Variants in DDX60 observed in about 807,000 individuals in gnomAD.
DDX60 encodes the protein probable ATP-dependent RNA helicase DDX60.
Under a neutral mutation model 212.8 loss-of-function variants are expected in DDX60, and 165 were observed. That is an observed-to-expected ratio of 0.78 (90% confidence interval 0.68 to 0.88). The LOEUF (loss-of-function observed/expected upper bound fraction) is 0.88. Ranked by LOEUF, DDX60 falls within the 40% of genes least tolerant of loss-of-function variation. The probability of loss-of-function intolerance (pLI) is 0.00; values close to 1 mark genes in which losing one functional copy is unlikely to be tolerated. For missense variants in DDX60, 1,905 were observed against 2,003.9 expected, an observed-to-expected ratio of 0.95 and a Z score of 0.94; for synonymous variants, 703 against 685.3, an observed-to-expected ratio of 1.03 and a Z score of -0.40.
intron 5 of DDX60, among the ~76,000 whole-genome samples, chr4:168,304,260 G>C (rs1185788522): frequency 1.3e-5 from 2 of 152,178 alleles, no homozygotes; most frequent in Admixed American, 6.5e-5. Context: ...AGTGGGACAA[G>C]ATCTGGAGGT....
intron 7 of DDX60, 111 bp from the exon 8 acceptor site, chr4:168,292,017 A>C (rs1736127026): frequency 1.7e-6 from 1 of 596,540 alleles, no homozygotes; most frequent in African/African-American, 2.0e-5. Flanking sequence ...AGGAATCATG[A>C]ATTATTCCTT....
At chr4:168,280,894 C>A (rs1160890501) in intron 13 of DDX60, among the ~76,000 whole-genome samples, 1 of 152,154 alleles carries the variant, frequency 6.6e-6, no homozygotes, top group African/African-American at 2.4e-5. Context: ...AATCCCAGCA[C>A]TTTGGGAGGC....
intron 25 of DDX60, among the ~76,000 whole-genome samples, chr4:168,257,402 A>G (rs895276953): frequency 1.3e-5 from 2 of 152,224 alleles, no homozygotes; most frequent in Non-Finnish European, 2.9e-5. Flanking sequence ...AATCCTATGA[A>G]GAAGGCACTA....
At chr4:168,294,925 CACAA>C (rs749023518) in intron 6 of DDX60, among the ~76,000 whole-genome samples, 6 of 152,076 alleles carry the variant, frequency 3.9e-5, no homozygotes, top group Non-Finnish European at 8.8e-5. Context: ...ACTAAAAACA[CACAA>C]ACAAACAAAA....
intron 26 of DDX60, among the ~76,000 whole-genome samples, chr4:168,254,907 A>G (rs190331612): frequency 1.3e-5 from 2 of 152,316 alleles, no homozygotes; most frequent in East Asian, 3.9e-4. Context: ...TGATCGAGTT[A>G]AGGCAAATAC....
In DDX60 at chr4:168,227,156, T is replaced by C. The variant is rs571351743; in HGVS notation, c.4534-1480A>G. On this transcript the variant is annotated intron_variant, in intron 33 of 37. Coordinates refer to ENST00000393743, the MANE Select transcript of DDX60 (RefSeq NM_017631.6). ...TATAGTGATGTTATCCTTACAAAGT[T>C]TGGAAGAATTCACCAGTGAAGCCAT... Among the ~76,000 whole-genome samples, 4 of 152,066 alleles carry C rather than the reference T, an allele frequency of 2.6e-5. No homozygotes were observed. The South Asian group carries it at 6.2e-4, about 24-fold the overall frequency.
chr4:168,268,705 G>A (rs60194845), intron 20 of DDX60, 149 bp downstream of exon 20: 5,313 of 471,282 alleles, frequency 0.011, 243 homozygotes, highest in African/African-American at 0.094. Context: ...GCCAGGAGGT[G>A]TAGAGAGATG....
chr4:168,290,567 C>T (rs1264575395), intron 8 of DDX60, among the ~76,000 whole-genome samples: 1 of 151,918 alleles, frequency 6.6e-6, no homozygotes, highest in African/African-American at 2.4e-5. Context: ...TCTTGATCTC[C>T]TGACCTCATG....
chr4:168,275,593 T>C (rs1560848476), intron 15 of DDX60, 90 bp from the exon 16 acceptor site: 1 of 1,135,244 alleles, frequency 8.8e-7, no homozygotes, highest in South Asian at 2.2e-5. Context: ...GCACTTTCTA[T>C]GTGAAAAGCA....
intron 35 of DDX60, among the ~76,000 whole-genome samples, chr4:168,223,182 G>A (rs868695360): frequency 5.3e-5 from 8 of 151,996 alleles, no homozygotes; most frequent in Non-Finnish European, 1.0e-4. Flanking sequence ...CGTGGGAGGA[G>A]TACACAGATC....
the DDX60 span, among the ~76,000 whole-genome samples, chr4:168,324,914 T>C: frequency 2.0e-5 from 3 of 152,202 alleles, no homozygotes; most frequent in Non-Finnish European, 4.4e-5. Flanking sequence ...GCTGCTGAGG[T>C]ATATCCACGG....
chr4:168,287,014 G>A, intron 10 of DDX60, 34 bp downstream of exon 10: 1 of 1,532,480 alleles, frequency 6.5e-7, no homozygotes, highest in African/African-American at 1.4e-5. Context: ...GAGGAATAAT[G>A]CTTTCATTTC....
At chr4:168,289,558 AC>A (rs1560862394) in intron 8 of DDX60, among the ~76,000 whole-genome samples, 1 of 152,092 alleles carries the variant, frequency 6.6e-6, no homozygotes, top group Non-Finnish European at 1.5e-5. Context: ...CAATTCCTAA[AC>A]TTTTATCTCC....
intron 25 of DDX60, 124 bp downstream of exon 25, chr4:168,260,741 C>G: frequency 3.4e-6 from 3 of 870,446 alleles, no homozygotes; most frequent in Non-Finnish European, 5.4e-6. Flanking sequence ...CTCTGTGGCA[C>G]AATTCCTAAC....
rs200244365 is a variant in DDX60 at position 168,272,030 on chromosome 4, A to C, written c.2670+13T>G. 7 of 1,562,286 alleles carry C rather than the reference A, an allele frequency of 4.5e-6. No homozygotes were observed. In the East Asian group the frequency reaches 1.6e-4, roughly 37 times the overall value. ...CACTAGGGAATTAAGCAAAGAAAGA[A>C]CACCAAACCTACCTCATCAAATATA... On this transcript the variant is annotated intron_variant, in intron 19 of 37. Transcript: ENST00000393743.
chr4:168,320,174 T>C (rs1042976994), upstream of DDX60, among the ~76,000 whole-genome samples: 3 of 152,190 alleles, frequency 2.0e-5, no homozygotes, highest in Non-Finnish European at 4.4e-5. Flanking sequence ...TCCTAATTCC[T>C]GGAACCTATG....
intron 20 of DDX60, among the ~76,000 whole-genome samples, 157 bp downstream of exon 20, chr4:168,268,697 C>A (rs1399063544): frequency 6.6e-6 from 1 of 151,896 alleles, no homozygotes; most frequent in Non-Finnish European, 1.5e-5. Flanking sequence ...CAACTACGGC[C>A]AGGAGGTGTA....
intron 6 of DDX60, among the ~76,000 whole-genome samples, chr4:168,295,081 C>T (rs1437097931): frequency 6.6e-6 from 1 of 151,790 alleles, no homozygotes; most frequent in Non-Finnish European, 1.5e-5. Flanking sequence ...TGAAAGATAA[C>T]AAGTGTCAGA....
At chr4:168,227,245 T>C (rs1179328483) in intron 33 of DDX60, among the ~76,000 whole-genome samples, 1 of 151,748 alleles carries the variant, frequency 6.6e-6, no homozygotes, top group Admixed American at 6.6e-5. Context: ...TAAATTTCTT[T>C]ACTAGATATC....
Sources: gnomAD v4.1 joint callset for allele counts (sites outside exome capture counted in the v4.1 genomes callset) on GRCh38, gnomAD v4.1.1 for gene constraint, MANE v1.5 for transcripts, NCBI Gene and HGNC (gene_info 2026-07-23, HGNC 2026-07-21) for gene names.